Variants in PPIG observed in about 807,000 individuals in gnomAD.
The protein encoded by PPIG is peptidylprolyl isomerase G.
Under a neutral mutation model 87.9 loss-of-function variants are expected in PPIG, and 26 were observed. The observed-to-expected ratio is 0.30, with a 90% CI of 0.22 to 0.41. PPIG has a LOEUF of 0.41. Ranked by LOEUF, PPIG falls within the 10% of genes least tolerant of loss-of-function variation. PPIG has a pLI of 1.00. For missense variants in PPIG, 722 were observed against 879.4 expected (o/e 0.82, Z 2.26); for synonymous variants, 308 against 276.5 (o/e 1.11, Z -1.13).
intron 4 of PPIG, among the ~76,000 whole-genome samples, chr2:169,604,761 C>A (rs570868633): frequency 1.3e-5 from 2 of 151,588 alleles, no homozygotes; most frequent in African/African-American, 4.8e-5. Flanking sequence ...GTAGTCCCAG[C>A]TATTTGGGAG....
In PPIG at chr2:169,636,802, G is replaced by C. The variant is rs1362665401; in HGVS notation, c.1544G>C (p.Arg515Thr). 1.9e-6 allele frequency: 3 copies of C among 1,612,768 alleles called. No homozygotes were observed. The highest frequency in any genetic ancestry group is 3.3e-5 in the Admixed American group (2 of 59,786). The change falls in exon 14 of 14, where the codon AGA becomes ACA. Residue 515 changes from arginine to threonine, a missense_variant. Around this residue, in one of 4 missense-constraint regions of PPIG, gnomAD observed 476 missense variants for 483.1 expected, o/e 0.99. Coordinates refer to ENST00000260970, the MANE Select transcript of PPIG (RefSeq NM_004792.3). The stretch of plus-strand genomic sequence containing the variant: ...AAAGGAAAAGATCAGGAAAGGAGTA[G>C]AAGTAAAGAGAAGTCTAAACAGTTA... Reference protein sequence around the residue: ...DSKGKDQERSRSKEKSKQLES... With the variant: ...DSKGKDQERSTSKEKSKQLES...
At chr2:169,611,236 A>G (rs1174916075) in intron 7 of PPIG, among the ~76,000 whole-genome samples, 2 of 152,126 alleles carry the variant, frequency 1.3e-5, no homozygotes, top group Non-Finnish European at 1.5e-5. Context: ...TCATTGTAAA[A>G]AAAGAAAAAG....
intron 12 of PPIG, among the ~76,000 whole-genome samples, chr2:169,634,691 A>T (rs1283890873): frequency 6.6e-6 from 1 of 152,190 alleles, no homozygotes; most frequent in African/African-American, 2.4e-5. Flanking sequence ...TAACTTAACT[A>T]TGGTAAGATA....
intron 7 of PPIG, among the ~76,000 whole-genome samples, chr2:169,613,089 G>A (rs1329179615): frequency 1.3e-5 from 2 of 152,204 alleles, no homozygotes; most frequent in Non-Finnish European, 2.9e-5. Flanking sequence ...ATAAGTTTTA[G>A]TGAGCAGGCA....
In PPIG at chr2:169,637,458, C is replaced by T. The variant is rs769585793; in HGVS notation, c.2200C>T (p.His734Tyr). ...KSKGQENDHV[H>Y]EKNKKFDHES... ...AAAAGGTCAAGAAAATGACCATGTA[C>T]ATGAAAAAAATAAAAAATTTGATCA... The change falls in exon 14 of 14, where the codon CAT becomes TAT. Residue 734 changes from histidine to tyrosine, a missense_variant. Physicochemically the swap from His to Tyr is moderately conservative, Grantham distance 83 (BLOSUM62 2). Transcript: ENST00000260970. 1 of 1,605,082 alleles carries T rather than the reference C, an allele frequency of 6.2e-7. No homozygotes were observed. The highest frequency in any genetic ancestry group is 2.2e-5 in the East Asian group (1 of 44,814).
rs1158438420 is a variant in PPIG at position 169,620,513 on chromosome 2, GT to G, written c.547+5790del. Among the ~76,000 whole-genome samples, 3 of 151,896 alleles carry G rather than the reference GT, an allele frequency of 2.0e-5. No homozygotes were observed. The East Asian group carries it at 5.8e-4, about 29-fold the overall frequency. ...GTTGTTTTTTGTTTGTTTTTTAACT[GT>G]AGTTGTCTAAATAACCTAGTAAATA... On this transcript the variant is annotated intron_variant, in intron 9 of 13. Transcript: ENST00000260970.
intron 13 of PPIG, 69 bp downstream of exon 13, chr2:169,636,297 AT>A: frequency 6.7e-7 from 1 of 1,499,046 alleles, no homozygotes; most frequent in Non-Finnish European, 8.9e-7. Context: ...ACATAAAGTT[AT>A]TGTCATTTTA....
intron 12 of PPIG, among the ~76,000 whole-genome samples, chr2:169,635,797 A>C (rs1408771559): frequency 6.6e-6 from 1 of 152,176 alleles, no homozygotes; most frequent in Non-Finnish European, 1.5e-5. Flanking sequence ...AGTTTTTGTG[A>C]TTAATGTTTC....
chr2:169,629,470 T>C (rs1463220716), intron 9 of PPIG, among the ~76,000 whole-genome samples: 2 of 152,224 alleles, frequency 1.3e-5, no homozygotes, highest in East Asian at 3.8e-4. Flanking sequence ...ACATTGAAAT[T>C]GGTCTTGTAA....
At chr2:169,602,638 A>T (rs1365404551) in intron 1 of PPIG, among the ~76,000 whole-genome samples, 1 of 152,182 alleles carries the variant, frequency 6.6e-6, no homozygotes. Flanking sequence ...TTGTTTGTCA[A>T]AATGTGGCTA....
At chr2:169,609,546 G>A (rs1685430071) in intron 7 of PPIG, among the ~76,000 whole-genome samples, 1 of 152,144 alleles carries the variant, frequency 6.6e-6, no homozygotes, top group African/African-American at 2.4e-5. Context: ...ATGGAGACTT[G>A]TCAAGAGAAC....
At chr2:169,634,480 C>T (rs746199233) in intron 12 of PPIG, among the ~76,000 whole-genome samples, 4 of 152,112 alleles carry the variant, frequency 2.6e-5, no homozygotes, top group Admixed American at 6.6e-5. Flanking sequence ...AAATTTTTAT[C>T]GGCATTTTTC....
chr2:169,631,729 C>G (rs532152289), intron 10 of PPIG, 37 bp from the exon 11 acceptor site: 29 of 1,612,064 alleles, frequency 1.8e-5, no homozygotes, highest in African/African-American at 6.7e-5. Flanking sequence ...ACATAATAAC[C>G]AACTGTAACT....
At chr2:169,596,673 C>G (rs1175478485) in intron 1 of PPIG, among the ~76,000 whole-genome samples, 1 of 152,116 alleles carries the variant, frequency 6.6e-6, no homozygotes, top group African/African-American at 2.4e-5. Flanking sequence ...GCCTTTGGAG[C>G]CACGCAACCA....
intron 1 of PPIG, among the ~76,000 whole-genome samples, chr2:169,596,954 C>T (rs773552315): frequency 2.0e-5 from 3 of 151,854 alleles, no homozygotes; most frequent in Non-Finnish European, 2.9e-5. Context: ...TGCCCACCTT[C>T]GCCTCCCAAA....
intron 12 of PPIG, chr2:169,633,462 A>T (rs894967967): frequency 1.8e-6 from 1 of 564,548 alleles, no homozygotes; most frequent in East Asian, 3.1e-5. Flanking sequence ...TTACATTTAC[A>T]TGGTATAAAA....
intron 5 of PPIG, 142 bp downstream of exon 5, chr2:169,606,288 A>G (rs1296406903): frequency 1.3e-5 from 9 of 719,514 alleles, no homozygotes; most frequent in Non-Finnish European, 2.2e-5. Flanking sequence ...ACTCATAGAA[A>G]TATGTAAAAG....
chr2:169,604,834 A>G (rs971261774), intron 4 of PPIG, among the ~76,000 whole-genome samples: 11 of 150,604 alleles, frequency 7.3e-5, no homozygotes, highest in Admixed American at 4.0e-4. Context: ...AGATCGTGCC[A>G]TTGCACTCCA....
intron 1 of PPIG, chr2:169,584,732 G>T (rs1052285000): frequency 6.4e-6 from 2 of 311,304 alleles, no homozygotes; most frequent in Non-Finnish European, 1.2e-5. Flanking sequence ...GCCTGGGGAC[G>T]GTCCTTCCTC....
Sources: gnomAD v4.1 joint callset for allele counts (sites outside exome capture counted in the v4.1 genomes callset) on GRCh38, gnomAD v4.1.1 for gene constraint, gnomAD v4.1.1 regional missense constraint, MANE v1.5 for transcripts, NCBI Gene and HGNC (gene_info 2026-07-23, HGNC 2026-07-21) for gene names.